Variants in PM20D2 observed in about 807,000 individuals in gnomAD.
PM20D2 encodes the protein xaa-Arg dipeptidase.
A neutral mutation model predicts 42.9 loss-of-function variants in PM20D2; 33 were observed. The observed-to-expected ratio is 0.77, with a 90% CI of 0.58 to 1.03. The LOEUF is 1.03. Ranked by LOEUF, PM20D2 falls within the 50% of genes least tolerant of loss-of-function variation. The pLI, the probability that PM20D2 is intolerant of heterozygous loss-of-function variation, is 0.00. For synonymous variants in PM20D2, 250 were observed against 228.2 expected (o/e 1.10, Z -0.86); for missense variants, 548 against 557.0 (o/e 0.98, Z 0.16).
In PM20D2 at chr6:89,146,198, C is replaced by G. The variant is rs376152957; in HGVS notation, c.54C>G (p.Ser18=). The change falls in exon 1 of 7, where the codon TCC becomes TCG. Residue 18 remains serine, a synonymous_variant. Transcript: ENST00000275072. Reference sequence around the variant, plus strand: ...AAGGGGGCGCGTGCAATGGCCGCTCCGAGCTGGAGCTACTGAAGCTGCGCT... The same window carrying G: ...AAGGGGGCGCGTGCAATGGCCGCTCGGAGCTGGAGCTACTGAAGCTGCGCT... ...PVEGGACNGR[S]ELELLKLRSA... 1.0e-5 allele frequency: 16 copies of G among 1,550,768 alleles called. No homozygotes were observed. The highest frequency in any genetic ancestry group is 1.4e-5 in the Non-Finnish European group (16 of 1,156,336).
the PM20D2 span, among the ~76,000 whole-genome samples, chr6:89,130,973 G>A: frequency 6.6e-6 from 1 of 151,716 alleles, no homozygotes; most frequent in Non-Finnish European, 1.5e-5. Flanking sequence ...AGAGTGGTGG[G>A]ATGACAGGTG....
At chr6:89,145,559 A>C (rs1321628627), upstream of PM20D2, among the ~76,000 whole-genome samples, 2 of 152,204 alleles carry the variant, frequency 1.3e-5, no homozygotes, top group Non-Finnish European at 2.9e-5. Flanking sequence ...CCAATGAGAA[A>C]ACTGTAGAGA....
At chr6:89,101,038 G>A in the PM20D2 span, among the ~76,000 whole-genome samples, 5 of 151,776 alleles carry the variant, frequency 3.3e-5, no homozygotes, top group Admixed American at 6.6e-5. Context: ...GAACCTGGGA[G>A]GCAGAGGTTG....
chr6:89,134,529 A>G, the PM20D2 span, among the ~76,000 whole-genome samples: 4 of 151,160 alleles, frequency 2.6e-5, 1 homozygote, highest in African/African-American at 9.9e-5. Flanking sequence ...AGTTACTAAA[A>G]TAGTTAGCAA....
chr6:89,123,964 G>C, the PM20D2 span, among the ~76,000 whole-genome samples: 2 of 152,042 alleles, frequency 1.3e-5, no homozygotes, highest in Non-Finnish European at 2.9e-5. Flanking sequence ...TTGAGTCCAG[G>C]AGGTTGAGAC....
At chr6:89,156,454 G>A (rs971651720) in intron 4 of PM20D2, among the ~76,000 whole-genome samples, 1 of 152,164 alleles carries the variant, frequency 6.6e-6, no homozygotes, top group Admixed American at 6.5e-5. Context: ...ATGAGATAAT[G>A]TTTCTGAAGG....
the PM20D2 span, among the ~76,000 whole-genome samples, chr6:89,116,557 T>A: frequency 3.9e-5 from 6 of 152,216 alleles, no homozygotes; most frequent in Admixed American, 1.3e-4. Context: ...GGCGGATCAC[T>A]TGAGGTCAGG....
the PM20D2 span, among the ~76,000 whole-genome samples, chr6:89,123,713 C>A: frequency 8.4e-6 from 1 of 118,984 alleles, no homozygotes; most frequent in Admixed American, 9.5e-5. Flanking sequence ...CAGAGTGAGA[C>A]TGTCTCAAAA....
At chr6:89,154,708 G>C (rs2127778702) in intron 3 of PM20D2, 40 bp from the exon 4 acceptor site, 1 of 1,395,210 alleles carries the variant, frequency 7.2e-7, no homozygotes, top group Admixed American at 2.6e-5. Context: ...TAAAGAAATG[G>C]TCACCAAGCT....
At chr6:89,094,522 GCCTA>G in the PM20D2 span, among the ~76,000 whole-genome samples, 2 of 152,136 alleles carry the variant, frequency 1.3e-5, no homozygotes, top group Non-Finnish European at 2.9e-5. Context: ...ACTGCACCCA[GCCTA>G]GATATTTTAA....
chr6:89,096,698 A>T, the PM20D2 span: 8 of 152,270 alleles, frequency 5.3e-5, no homozygotes, highest in African/African-American at 1.9e-4. Flanking sequence ...GGGTCTTGCT[A>T]TGTTGCCCAG....
rs745934152 is a variant in PM20D2 at position 89,146,295 on chromosome 6, C to A, written c.151C>A (p.Leu51Met). ...LSRAIWSQPE[L>M]AYEEHHAHRV... The stretch of plus-strand genomic sequence containing the variant: ...CCGCGCGATCTGGAGCCAGCCCGAG[C>A]TGGCCTACGAGGAGCACCATGCCCA... The change falls in exon 1 of 7, where the codon CTG becomes ATG. Residue 51 changes from leucine (L) to methionine (M), a missense_variant. Physicochemically the swap from Leu to Met is conservative, Grantham distance 15 (BLOSUM62 2). Transcript: ENST00000275072. 4.4e-6 allele frequency: 7 copies of A among 1,581,090 alleles called. No individual in the cohort carries two copies. Among genetic ancestry groups the A allele is most frequent in the African/African-American group, 1.4e-5 (1 of 73,680 alleles).
chr6:89,125,977 T>C, the PM20D2 span, among the ~76,000 whole-genome samples: 2 of 152,032 alleles, frequency 1.3e-5, no homozygotes, highest in Non-Finnish European at 1.5e-5. Flanking sequence ...CCCCAGCTAC[T>C]TGAGAGGCTG....
At chr6:89,113,268 G>A in the PM20D2 span, among the ~76,000 whole-genome samples, 3 of 152,150 alleles carry the variant, frequency 2.0e-5, no homozygotes, top group Non-Finnish European at 4.4e-5. Context: ...CTGCCTCCCA[G>A]GTTCATGCGA....
chr6:89,094,803 C>A, the PM20D2 span, among the ~76,000 whole-genome samples: 2 of 141,160 alleles, frequency 1.4e-5, no homozygotes, highest in African/African-American at 2.7e-5. Flanking sequence ...TTTTTTTTAA[C>A]CCTAACAACC....
the PM20D2 span, chr6:89,098,634 A>G: frequency 6.2e-7 from 1 of 1,613,830 alleles, no homozygotes; most frequent in East Asian, 2.2e-5. Flanking sequence ...CGAAAATGAG[A>G]ATGCTTTGCT....
chr6:89,151,731 T>C (rs1010555932), intron 2 of PM20D2, among the ~76,000 whole-genome samples: 9 of 152,202 alleles, frequency 5.9e-5, no homozygotes, highest in African/African-American at 2.2e-4. Flanking sequence ...TTAAATAGTA[T>C]GTCTTGAAAA....
At chr6:89,130,049 T>C in the PM20D2 span, among the ~76,000 whole-genome samples, 1 of 100,666 alleles carries the variant, frequency 9.9e-6, no homozygotes, top group Non-Finnish European at 2.5e-5. Flanking sequence ...CTCTTCTAAA[T>C]TAAAAAAAAA....
chr6:89,142,955 G>T (rs1176663585), upstream of PM20D2, among the ~76,000 whole-genome samples: 1 of 152,052 alleles, frequency 6.6e-6, no homozygotes, highest in Non-Finnish European at 1.5e-5. Flanking sequence ...ACCGCGCCCG[G>T]CCCCCCACAA....
Sources: gnomAD v4.1 joint callset for allele counts (sites outside exome capture counted in the v4.1 genomes callset) on GRCh38, gnomAD v4.1.1 for gene constraint, MANE v1.5 for transcripts, NCBI Gene and HGNC (gene_info 2026-07-23, HGNC 2026-07-21) for gene names.